ANTXR1: variants seen among roughly 807,000 people sequenced by gnomAD.
ANTXR1 encodes anthrax toxin receptor 1.
In ANTXR1, 19 loss-of-function variants were observed where a neutral mutation model predicts 78.1. The observed-to-expected ratio is 0.24, with a 90% CI of 0.17 to 0.36. The LOEUF is 0.36. ANTXR1 is among the 10% of genes least tolerant of loss of function. The probability of loss-of-function intolerance (pLI) is 1.00; values close to 1 mark genes in which losing one functional copy is unlikely to be tolerated. For synonymous variants in ANTXR1, 273 were observed against 260.5 expected, an observed-to-expected ratio of 1.05 and a Z score of -0.46; for missense variants, 518 against 718.6, an observed-to-expected ratio of 0.72 and a Z score of 3.19.
intron 7 of ANTXR1, among the ~76,000 whole-genome samples, 179 bp downstream of exon 7, chr2:69,075,837 G>C (rs886478146): frequency 6.6e-6 from 1 of 152,356 alleles, no homozygotes; most frequent in South Asian, 2.1e-4. Context: ...GTCATTTGCT[G>C]ATGCTCTTGA....
rs536701179 is a variant in ANTXR1, at chr2:69,214,790, G to A, written c.1434+21375G>A. ...GTGGGCCCAGCCTGTGTTTAACACTGACTCTCTTTTTTCCCCTGGGGTGCT... is the reference window on the plus strand; with the variant it reads ...GTGGGCCCAGCCTGTGTTTAACACTAACTCTCTTTTTTCCCCTGGGGTGCT... On this transcript the variant is annotated intron_variant, in intron 17 of 17. Coordinates refer to ENST00000303714, the MANE Select transcript of ANTXR1 (RefSeq NM_032208.3). 1.5e-4 allele frequency among the ~76,000 whole-genome samples: 23 copies of A among 152,334 alleles called. No homozygotes were observed. The South Asian group carries it at 4.6e-3, about 30-fold the overall frequency.
chr2:69,146,244 C>A, intron 12 of ANTXR1: 3 of 985,432 alleles, frequency 3.0e-6, no homozygotes, highest in Non-Finnish European at 3.6e-6. Context: ...AAGATGCAAC[C>A]CCATGGGCTG....
At chr2:69,034,099 C>A (rs199675394) in intron 1 of ANTXR1, among the ~76,000 whole-genome samples, 1 of 152,218 alleles carries the variant, frequency 6.6e-6, no homozygotes. Context: ...CAGAACCCTG[C>A]ACTGGGAACA....
At chr2:69,129,182 C>G (rs1672644337) in intron 12 of ANTXR1, among the ~76,000 whole-genome samples, 1 of 152,184 alleles carries the variant, frequency 6.6e-6, no homozygotes, top group African/African-American at 2.4e-5. Context: ...AAACTCCAGC[C>G]AGAAGTTGAG....
intron 8 of ANTXR1, among the ~76,000 whole-genome samples, chr2:69,078,730 AC>A (rs1440554938): frequency 1.3e-5 from 2 of 152,118 alleles, no homozygotes; most frequent in African/African-American, 4.8e-5. Flanking sequence ...AATGCCTAAT[AC>A]TTTTCCAGAC....
In ANTXR1 at chr2:69,096,285, GA is replaced by G; in HGVS notation, c.703+5368del. On this transcript the variant is annotated intron_variant, in intron 9 of 17. Coordinates refer to ENST00000303714, the MANE Select transcript of ANTXR1 (RefSeq NM_032208.3). ...GGAAGGAAGGAAGGAAGGAAGGAAG[GA>G]AGGGAGGAAGGGAGGAAGGGAGGAA... is the stretch of plus-strand genomic sequence containing the variant. Among the ~76,000 whole-genome samples the G allele has an allele frequency of 1.1e-3, 2 of 1,820 alleles. 1 individual carries two copies. 1.2% of individuals were successfully genotyped at this position (1,820 alleles called of 152,430 possible).
intron 3 of ANTXR1, among the ~76,000 whole-genome samples, chr2:69,063,394 G>GA (rs1018114933): frequency 1.3e-5 from 2 of 151,488 alleles, no homozygotes; most frequent in Non-Finnish European, 2.9e-5. Flanking sequence ...AGAGATAAAA[G>GA]AAAAAAATCA....
intron 13 of ANTXR1, among the ~76,000 whole-genome samples, chr2:69,153,726 G>C (rs1354471150): frequency 3.3e-5 from 5 of 152,198 alleles, no homozygotes; most frequent in African/African-American, 1.2e-4. Flanking sequence ...CTTACAGTGG[G>C]TTCTTAAAGA....
rs147484809 is a variant in ANTXR1 at position 69,206,157 on chromosome 2, G to A, written c.1434+12742G>A. Among the ~76,000 whole-genome samples the A allele has an allele frequency of 1.8e-3, 271 of 152,226 alleles. 1 individual carries two copies. The highest frequency in any genetic ancestry group is 3.8e-3 in the Admixed American group (58 of 15,292). ...GTCCATTTCTGTGTTTGCCCCCAGC[G>A]TCTGAATTTGGTTGCTTCACTGAAT... On this transcript the variant is annotated intron_variant, in intron 17 of 17. Transcript: ENST00000303714.
chr2:69,117,604 C>T (rs1357365349), intron 10 of ANTXR1, among the ~76,000 whole-genome samples: 1 of 152,174 alleles, frequency 6.6e-6, no homozygotes, highest in East Asian at 1.9e-4. Flanking sequence ...AGCAATCAGG[C>T]ATTTTGAACA....
At chr2:69,126,778 A>G (rs989075229) in intron 12 of ANTXR1, among the ~76,000 whole-genome samples, 2 of 152,202 alleles carry the variant, frequency 1.3e-5, no homozygotes, top group South Asian at 2.1e-4. Context: ...AAGAATTCCC[A>G]TTGAGTCCCA....
At chr2:69,103,355 G>C (rs1671693207) in intron 10 of ANTXR1, 1 of 305,198 alleles carries the variant, frequency 3.3e-6, no homozygotes, top group Admixed American at 4.5e-5. Flanking sequence ...CCTTAACAAA[G>C]TATTGGGACT....
intron 1 of ANTXR1, among the ~76,000 whole-genome samples, chr2:69,035,236 G>T (rs1352724852): frequency 6.6e-6 from 1 of 152,164 alleles, no homozygotes; most frequent in African/African-American, 2.4e-5. Context: ...TGGTGGTGAG[G>T]CAGGGGAGAG....
chr2:69,152,482 G>A (rs34590960), intron 13 of ANTXR1, among the ~76,000 whole-genome samples: 68,350 of 152,072 alleles, frequency 0.45, 16,167 homozygotes, highest in East Asian at 0.89. Context: ...GCCAATGGCC[G>A]TGCCCCTTGG....
chr2:69,207,146 CA>C lies in ANTXR1; in HGVS notation c.1434+13740del, dbSNP rs10711284. ...TTGCAAAACTTACCCAATTTCTGTC[CA>C]AAAAAAAAGTCCAAGACTAGGTCGA... On this transcript the variant is annotated intron_variant, in intron 17 of 17. Transcript: ENST00000303714. 7.9e-3 allele frequency among the ~76,000 whole-genome samples: 1,184 copies of C among 150,640 alleles called. 14 individuals carry two copies. The highest frequency in any genetic ancestry group is 0.028 in the African/African-American group (1,137 of 41,128).
Position 69,182,537 on chromosome 2 carries a change from G to A in ANTXR1, c.1230G>A (p.Leu410=). The part of the protein sequence containing the change: ...EKGSTEEGAK[L]EKAKNARVKM... ...GCTCCACAGAAGAAGGTGCTAAGTT[G>A]GAAAAGGCAAAGAATGCAAGAGTCA... The change falls in exon 16 of 18, where the codon TTG becomes TTA. Residue 410 remains leucine, a synonymous_variant. Coordinates refer to ENST00000303714, the MANE Select transcript of ANTXR1 (RefSeq NM_032208.3). The A allele has an allele frequency of 6.2e-7, 1 of 1,614,166 alleles. No individual in the cohort carries two copies.
chr2:69,110,617 GGGAGGC>G (rs1176209106), intron 10 of ANTXR1, among the ~76,000 whole-genome samples: 3 of 152,184 alleles, frequency 2.0e-5, no homozygotes, highest in African/African-American at 7.2e-5. Flanking sequence ...CCAGCACTTT[GGGAGGC>G]GGAGGCGGGC....
At chr2:69,037,853 G>A (rs1365436159) in intron 1 of ANTXR1, among the ~76,000 whole-genome samples, 1 of 152,106 alleles carries the variant, frequency 6.6e-6, no homozygotes, top group Non-Finnish European at 1.5e-5. Flanking sequence ...GGCTGAGTAA[G>A]CAGAATAGAC....
At position 69,081,702 on chromosome 2, in the gene ANTXR1, G is replaced by A. The variant is rs188093461; in HGVS notation, c.642+4214G>A. Among the ~76,000 whole-genome samples the A allele has an allele frequency of 3.8e-3, 577 of 152,332 alleles. 2 individuals carry two copies. Among genetic ancestry groups the A allele is most frequent in the Non-Finnish European group, 5.6e-3 (378 of 68,026 alleles). ...CCTGCCCAAGACCACACAGCCCTAA[G>A]GGGGAAAGCAGGGTTAGAACCCACT... is the stretch of plus-strand genomic sequence containing the variant. On this transcript the variant is annotated intron_variant, in intron 8 of 17. Coordinates refer to ENST00000303714, the MANE Select transcript of ANTXR1 (RefSeq NM_032208.3).
Sources: allele counts gnomAD v4.1 joint callset (sites outside exome capture counted in the v4.1 genomes callset), GRCh38; gene constraint gnomAD v4.1.1; transcripts MANE v1.5; gene names NCBI Gene and HGNC (gene_info 2026-07-23, HGNC 2026-07-21).